The following SNX33 variants were observed in gnomAD, a reference collection of about 807,000 sequenced individuals.
The protein encoded by SNX33 is sorting nexin-33.
A neutral mutation model predicts 38.8 loss-of-function variants in SNX33; 19 were observed. The ratio of observed to expected loss-of-function variants is 0.49; its 90% CI spans 0.34 to 0.72. The LOEUF (loss-of-function observed/expected upper bound fraction) is 0.72, where lower values mean the gene tolerates loss of function less well. SNX33 is among the 30% of genes least tolerant of loss of function. The pLI is 0.01. For synonymous variants in SNX33, 246 were observed against 289.7 expected, an observed-to-expected ratio of 0.85 and a Z score of 1.53; for missense variants, 641 against 776.4, an observed-to-expected ratio of 0.83 and a Z score of 2.07.
Position 75,648,227 on chromosome 15 carries a change from A to G in SNX33, c.-876A>G, listed in dbSNP as rs557277518. The stretch of plus-strand genomic sequence containing the variant: ...GAGCAGGGTCAGCGTCAGGCTCAGA[A>G]ACTGCTGAGGAATTAGGCAAACAAA... On this transcript the variant is annotated 5_prime_UTR_variant, in exon 1 of 2. Coordinates refer to ENST00000308527, the MANE Select transcript of SNX33 (RefSeq NM_153271.2). This position sits in a 1 kb window ranked among gnomAD's most constrained non-coding sequence, Gnocchi z 4.4. 6 of 985,328 alleles carry G rather than the reference A, an allele frequency of 6.1e-6. No homozygotes were observed. The African/African-American group carries it at 8.7e-5, about 14-fold the overall frequency. 61.0% of individuals were successfully genotyped at this position (985,328 alleles called of 1,614,324 possible).
rs375687634 is a variant in SNX33 at position 75,657,010 on chromosome 15, G to A, written c.1520G>A (p.Arg507His). 8.7e-6 allele frequency: 14 copies of A among 1,613,914 alleles called. No homozygotes were observed. The highest frequency in any genetic ancestry group is 6.7e-5 in the Admixed American group (4 of 59,982). Residue 507 changes from arginine (R) to histidine (H), a missense_variant, in exon 2 of 2, where the codon CGC (arginine) becomes CAC (histidine). Transcript: ENST00000308527. This position sits in a 1 kb window ranked among gnomAD's most constrained non-coding sequence, Gnocchi z 5.5. Reference sequence around the variant, plus strand: ...AGCCAACGCATGAGTGACGAGGGCCGCATGGTGCAGGACGAGGCAGACGGC... The same window carrying A: ...AGCCAACGCATGAGTGACGAGGGCCACATGGTGCAGGACGAGGCAGACGGC... The part of the protein sequence containing the change: ...KESQRMSDEG[R>H]MVQDEADGIR...
At chr15:75,651,150 C>T (rs1190825692) in intron 1 of SNX33, among the ~76,000 whole-genome samples, 1 of 152,236 alleles carries the variant, frequency 6.6e-6, no homozygotes, top group African/African-American at 2.4e-5. Context: ...ACCCAGATAA[C>T]AAGAGCTCAG....
rs957690221 is a variant in SNX33, at chr15:75,660,760, C to T, written c.*3545C>T. 6.6e-6 allele frequency: 1 copy of T among 152,456 alleles called. No individual in the cohort carries two copies. 9.4% of individuals were successfully genotyped at this position (152,456 alleles called of 1,614,324 possible). A position where few individuals can be genotyped will look rare whatever the true frequency, so the allele number is the denominator to read the frequency against. ...CACAGAGCAAAGGTGTCATAAGCATCTCTGTGCCTGGACTGCACCTGCATG... is the reference window on the plus strand; with the variant it reads ...CACAGAGCAAAGGTGTCATAAGCATTTCTGTGCCTGGACTGCACCTGCATG... On this transcript the variant is annotated 3_prime_UTR_variant, in exon 2 of 2. Transcript: ENST00000308527.
At chr15:75,654,475 G>A (rs543557299) in intron 1 of SNX33, among the ~76,000 whole-genome samples, 2 of 152,308 alleles carry the variant, frequency 1.3e-5, no homozygotes, top group Admixed American at 6.5e-5. Flanking sequence ...AAGAGGCAGG[G>A]GCAAGATGGA....
chr15:75,657,168 G>C lies in SNX33; in HGVS notation c.1678G>C (p.Val560Leu). ...LRQQILFYQR[V>L]GQQLEKTLRM... ...CCAGCAGATCCTCTTCTACCAGCGG[G>C]TGGGCCAGCAGCTGGAGAAGACCCT... Residue 560 changes from valine (V) to leucine (L), a missense_variant, in exon 2 of 2, where the codon GTG becomes CTG. By Grantham distance (32) the Val-to-Leu change is conservative. This residue lies in a region of SNX33 where 398 missense variants were observed against 542.5 expected (regional missense o/e 0.73). Transcript: ENST00000308527. This position sits in a 1 kb window ranked among gnomAD's most constrained non-coding sequence, Gnocchi z 5.5. The C allele has an allele frequency of 6.2e-7, 1 of 1,614,126 alleles. No individual in the cohort carries two copies. The highest frequency in any genetic ancestry group is 8.5e-7 in the Non-Finnish European group (1 of 1,180,008).
chr15:75,649,497 C>A lies in SNX33; in HGVS notation c.395C>A (p.Ala132Asp). 6.4e-7 allele frequency: 1 copy of A among 1,559,164 alleles called. No individual in the cohort carries two copies. The highest frequency in any genetic ancestry group is 8.7e-7 in the Non-Finnish European group (1 of 1,149,292). ...DGCTVVEEPR[A>D]GGLGTNGHPP... Reference sequence around the variant, plus strand: ...TGCACAGTGGTGGAGGAGCCACGGGCTGGTGGGCTGGGCACCAACGGGCAC... The same window carrying A: ...TGCACAGTGGTGGAGGAGCCACGGGATGGTGGGCTGGGCACCAACGGGCAC... Residue 132 changes from alanine to aspartate, a missense_variant, in exon 1 of 2, where the codon GCT becomes GAT. This residue lies in a region of SNX33 where 243 missense variants were observed against 233.9 expected (regional missense o/e 1.04). Coordinates refer to ENST00000308527, the MANE Select transcript of SNX33 (RefSeq NM_153271.2). This position sits in a 1 kb window ranked among gnomAD's most constrained non-coding sequence, Gnocchi z 6.6.
chr15:75,650,369 G>A lies in SNX33; in HGVS notation c.1267G>A (p.Ala423Thr). 1 of 1,611,266 alleles carries A rather than the reference G, an allele frequency of 6.2e-7. No individual in the cohort carries two copies. The highest frequency in any genetic ancestry group is 8.5e-7 in the Non-Finnish European group (1 of 1,178,570). ...EFQKLGSAFQAISHSFQMDPP... is the reference protein window; with the variant it reads ...EFQKLGSAFQTISHSFQMDPP... ...CCAGAAGCTGGGCAGTGCCTTCCAG[G>A]CCATCAGTCATTCCTTCCAGATGGA... Residue 423 changes from alanine (A) to threonine (T), a missense_variant, in exon 1 of 2, where the codon GCC becomes ACC. Around this residue, in one of 2 missense-constraint regions of SNX33, gnomAD observed 398 missense variants for 542.5 expected, o/e 0.73. Transcript: ENST00000308527. The surrounding 1 kb of genome is among the most constrained non-coding windows in gnomAD (Gnocchi z 6.1).
rs1893569714 is a variant in SNX33 at position 75,650,790 on chromosome 15, T to C, written c.1471+217T>C. Among the ~76,000 whole-genome samples the C allele has an allele frequency of 1.3e-5, 2 of 152,236 alleles. No individual in the cohort carries two copies. Among genetic ancestry groups the C allele is most frequent in the African/African-American group, 4.8e-5 (2 of 41,530 alleles). On this transcript the variant is annotated intron_variant, in intron 1 of 1. Transcript: ENST00000308527. The surrounding 1 kb of genome is among the most constrained non-coding windows in gnomAD (Gnocchi z 6.1). ...AGGAGGATCACTTGGGCCCAGGAGG[T>C]TGAGACTACAGTGAGCCCGATTGTG...
rs1263941483 is a variant in SNX33, at chr15:75,648,742, C to T, written c.-361C>T. On this transcript the variant is annotated 5_prime_UTR_variant, in exon 1 of 2. Coordinates refer to ENST00000308527, the MANE Select transcript of SNX33 (RefSeq NM_153271.2). This position sits in a 1 kb window ranked among gnomAD's most constrained non-coding sequence, Gnocchi z 4.4. ...TCCAGTGGAAAGTGTCGAATTTTTC[C>T]CCTCGCAGGGCAGATTTCTCCAGGT... is the stretch of plus-strand genomic sequence containing the variant. 1 of 213,234 alleles carries T rather than the reference C, an allele frequency of 4.7e-6. No homozygotes were observed. Among genetic ancestry groups the T allele is most frequent in the Non-Finnish European group, 8.6e-6 (1 of 116,918 alleles). The allele number at this position is 213,234 out of a possible 1,614,324, so 13.2% of individuals were successfully genotyped here.
rs773192088 is a variant in SNX33, at chr15:75,650,115, A to T, written c.1013A>T (p.Asp338Val). ...CAGCATTTCCTCAGCTGCCTGGATG[A>T]CAAGCAGTGGAAGATGGGCAAACGC... ...GFQHFLSCLD[D>V]KQWKMGKRRA... is the part of the protein sequence containing the mutation. Residue 338 changes from aspartate (D) to valine (V), a missense_variant, in exon 1 of 2, where the codon GAC (aspartate) becomes GTC (valine). Asp to Val is a radical substitution (Grantham distance 152). This residue lies in a region of SNX33 where 398 missense variants were observed against 542.5 expected (regional missense o/e 0.73). Coordinates refer to ENST00000308527, the MANE Select transcript of SNX33 (RefSeq NM_153271.2). The surrounding 1 kb of genome is among the most constrained non-coding windows in gnomAD (Gnocchi z 6.1). The T allele has an allele frequency of 1.9e-6, 3 of 1,614,072 alleles. No individual in the cohort carries two copies. Among genetic ancestry groups the T allele is most frequent in the Non-Finnish European group, 2.5e-6 (3 of 1,179,998 alleles).
rs1265225279 is a variant in SNX33 at position 75,658,878 on chromosome 15, A to G, written c.*1663A>G. ...CTCCCTAGAACGCACTCTTGTCTCT[A>G]AAACAGGTGGAGTGCTGCCCAGGGG... is the stretch of plus-strand genomic sequence containing the variant. On this transcript the variant is annotated 3_prime_UTR_variant, in exon 2 of 2. Transcript: ENST00000308527. This position sits in a 1 kb window ranked among gnomAD's most constrained non-coding sequence, Gnocchi z 4.1. The G allele has an allele frequency of 1.3e-5, 2 of 152,316 alleles. No homozygotes were observed. The highest frequency in any genetic ancestry group is 2.9e-5 in the Non-Finnish European group (2 of 68,138). The allele number at this position is 152,316 out of a possible 1,614,324, so 9.4% of individuals were successfully genotyped here.
intron 1 of SNX33, among the ~76,000 whole-genome samples, chr15:75,655,766 G>A (rs565028712): frequency 7.2e-5 from 11 of 152,306 alleles, no homozygotes; most frequent in African/African-American, 2.6e-4. Flanking sequence ...TATTGAGCAT[G>A]CTATCTGTGT....
At chr15:75,654,097 TAAAA>T (rs77714603) in intron 1 of SNX33, among the ~76,000 whole-genome samples, 1 of 111,052 alleles carries the variant, frequency 9.0e-6, no homozygotes, top group Non-Finnish European at 1.9e-5. Flanking sequence ...CATCTCAAAT[TAAAA>T]AAAAAAAAAA....
In SNX33 at chr15:75,662,009, G is replaced by A. The variant is rs1893728847; in HGVS notation, c.*4794G>A. On this transcript the variant is annotated 3_prime_UTR_variant, in exon 2 of 2. Transcript: ENST00000308527. ...TCCGTTTACAAAGGAACATGAGTGA[G>A]GAACATAACTTAATTTTTTTTTATA... 1 of 152,174 alleles carries A rather than the reference G, an allele frequency of 6.6e-6. No homozygotes were observed. Among genetic ancestry groups the A allele is most frequent in the Non-Finnish European group, 1.5e-5 (1 of 68,032 alleles). 9.4% of individuals were successfully genotyped at this position (152,174 alleles called of 1,614,324 possible).
intron 1 of SNX33, among the ~76,000 whole-genome samples, chr15:75,655,137 G>T (rs1192674053): frequency 6.6e-6 from 1 of 152,242 alleles, no homozygotes; most frequent in Admixed American, 6.5e-5. Flanking sequence ...TATGCCTGAA[G>T]GACCTGGCAT....
In SNX33 at chr15:75,660,493, G is replaced by C. The variant is rs149780906; in HGVS notation, c.*3278G>C. The C allele has an allele frequency of 2.0e-5, 3 of 152,898 alleles. No homozygotes were observed. The East Asian group carries it at 5.8e-4, about 29-fold the overall frequency. 9.5% of individuals were successfully genotyped at this position (152,898 alleles called of 1,614,324 possible). ...ATGTAATCGCTCAGTCTCACAACAA[G>C]CACACGCAGTCACACACCTGCCCAC... On this transcript the variant is annotated 3_prime_UTR_variant, in exon 2 of 2. Coordinates refer to ENST00000308527, the MANE Select transcript of SNX33 (RefSeq NM_153271.2).
intron 1 of SNX33, among the ~76,000 whole-genome samples, chr15:75,654,710 T>A (rs975460472): frequency 1.6e-4 from 24 of 152,176 alleles, no homozygotes; most frequent in African/African-American, 5.8e-4. Context: ...CATTAGCTGG[T>A]CCTGGCCCCA....
chr15:75,650,202 A>G lies in SNX33; in HGVS notation c.1100A>G (p.Glu367Gly), dbSNP rs1893559547. Residue 367 changes from glutamate (E) to glycine (G), a missense_variant, in exon 1 of 2, where the codon GAG (glutamate) becomes GGG (glycine). By Grantham distance (98) the Glu-to-Gly change is moderately conservative. Around this residue, in one of 2 missense-constraint regions of SNX33, gnomAD observed 398 missense variants for 542.5 expected, o/e 0.73. Coordinates refer to ENST00000308527, the MANE Select transcript of SNX33 (RefSeq NM_153271.2). The surrounding 1 kb of genome is among the most constrained non-coding windows in gnomAD (Gnocchi z 6.1). The part of the protein sequence containing the change: ...SFLLTFQIPT[E>G]HQDLQDVEDR... Reference sequence around the variant, plus strand: ...CTGCTCACCTTCCAGATCCCCACCGAGCACCAGGACTTGCAGGACGTGGAA... The same window carrying G: ...CTGCTCACCTTCCAGATCCCCACCGGGCACCAGGACTTGCAGGACGTGGAA... 6.3e-7 allele frequency: 1 copy of G among 1,598,436 alleles called. No individual in the cohort carries two copies. The highest frequency in any genetic ancestry group is 2.2e-5 in the East Asian group (1 of 44,734).
In SNX33 at chr15:75,659,412, CA is replaced by C. The variant is rs1211194512; in HGVS notation, c.*2198del. The C allele has an allele frequency of 6.6e-6, 1 of 152,266 alleles. No homozygotes were observed. Among genetic ancestry groups the C allele is most frequent in the Non-Finnish European group, 1.5e-5 (1 of 68,086 alleles). 9.4% of individuals were successfully genotyped at this position (152,266 alleles called of 1,614,324 possible). On this transcript the variant is annotated 3_prime_UTR_variant, in exon 2 of 2. Coordinates refer to ENST00000308527, the MANE Select transcript of SNX33 (RefSeq NM_153271.2). ...CTCCCTGTTCAGGGCATAGCGTCCT[CA>C]GAGGAACTTCTGGAATGGGTCCCCC...
Sources: allele counts gnomAD v4.1 joint callset (sites outside exome capture counted in the v4.1 genomes callset), GRCh38; gene constraint gnomAD v4.1.1; regional missense constraint gnomAD v4.1.1; non-coding constraint Gnocchi (gnomAD v3.1); transcripts MANE v1.5; gene names NCBI Gene and HGNC (gene_info 2026-07-23, HGNC 2026-07-21).